The following EEIG2 variants were observed in gnomAD, a reference collection of about 807,000 sequenced individuals.
The protein encoded by EEIG2 is EEIG family member 2.
At chr1:108,613,662 C>T in the EEIG2 span, among the ~76,000 whole-genome samples, 150,281 of 152,174 alleles carry the variant, frequency 0.99, 74,240 homozygotes, top group East Asian at 1. Context: ...TCTCCTTTCC[C>T]AATCTCTGCC....
chr1:108,624,893 G>A, the EEIG2 span: 1 of 652,426 alleles, frequency 1.5e-6, no homozygotes, highest in African/African-American at 1.8e-5. Flanking sequence ...GGTTGATCCA[G>A]TGCTTTATTT....
the EEIG2 span, chr1:108,629,771 T>G: frequency 1.3e-6 from 1 of 752,918 alleles, no homozygotes; most frequent in South Asian, 1.5e-5. Flanking sequence ...GAAACACAGA[T>G]AGTAGTAGTT....
At chr1:108,604,886 A>G in the EEIG2 span, among the ~76,000 whole-genome samples, 4 of 150,364 alleles carry the variant, frequency 2.7e-5, no homozygotes, top group Admixed American at 6.7e-5. Context: ...AAAAAAGAGA[A>G]AAAAAAAATT....
At chr1:108,616,517 C>A in the EEIG2 span, 1 of 879,986 alleles carries the variant, frequency 1.1e-6, no homozygotes, top group Non-Finnish European at 1.8e-6. Context: ...TTTTGTAGTG[C>A]TTATAAGAAA....
chr1:108,560,522 A>T, the EEIG2 span: 21 of 1,612,656 alleles, frequency 1.3e-5, no homozygotes, highest in South Asian at 2.3e-4. Flanking sequence ...CTTCTGCAAG[A>T]TGCGGCTGCT....
the EEIG2 span, among the ~76,000 whole-genome samples, chr1:108,610,906 G>A: frequency 2.0e-5 from 3 of 151,970 alleles, no homozygotes; most frequent in African/African-American, 4.8e-5. Flanking sequence ...AGCCAAGATC[G>A]TGCCACTGCA....
the EEIG2 span, among the ~76,000 whole-genome samples, chr1:108,595,538 T>C: frequency 9.9e-6 from 1 of 100,830 alleles, no homozygotes; most frequent in Non-Finnish European, 1.9e-5. Context: ...AGGAAAAAAA[T>C]GTAGCTTTTA....
At chr1:108,632,135 A>AAAAAAAGG in the EEIG2 span, among the ~76,000 whole-genome samples, 4 of 67,644 alleles carry the variant, frequency 5.9e-5, no homozygotes, top group Admixed American at 2.3e-4. Context: ...AAAAAAAAAA[A>AAAAAAAGG]AGAAGAAGAA....
At chr1:108,626,074 C>G in the EEIG2 span, 11 of 152,218 alleles carry the variant, frequency 7.2e-5, no homozygotes, top group African/African-American at 2.7e-4. Context: ...GCTCCTACCT[C>G]TCTGATCTTT....
the EEIG2 span, among the ~76,000 whole-genome samples, chr1:108,565,213 C>G: frequency 6.6e-6 from 1 of 152,158 alleles, no homozygotes; most frequent in Non-Finnish European, 1.5e-5. Flanking sequence ...AGTCATGTAT[C>G]AGTTAACAAT....
At chr1:108,572,520 G>A in the EEIG2 span, among the ~76,000 whole-genome samples, 1 of 151,918 alleles carries the variant, frequency 6.6e-6, no homozygotes, top group East Asian at 1.9e-4. Flanking sequence ...CACCAATCTA[G>A]TATCATACAG....
the EEIG2 span, among the ~76,000 whole-genome samples, chr1:108,588,010 C>T: frequency 2.0e-5 from 3 of 152,070 alleles, no homozygotes; most frequent in Non-Finnish European, 4.4e-5. Flanking sequence ...CCTCCTGGTT[C>T]ATCTATGTTG....
the EEIG2 span, among the ~76,000 whole-genome samples, chr1:108,634,127 T>C: frequency 6.6e-6 from 1 of 152,326 alleles, no homozygotes; most frequent in Admixed American, 6.5e-5. Flanking sequence ...ATCTGGTTCC[T>C]GTTACTTCAT....
At chr1:108,607,185 C>T in the EEIG2 span, among the ~76,000 whole-genome samples, 2 of 152,300 alleles carry the variant, frequency 1.3e-5, no homozygotes, top group African/African-American at 2.4e-5. Context: ...TCCATTCTGC[C>T]ATTCTCTATG....
At chr1:108,579,762 T>TGAGAGAGAGAGAGA in the EEIG2 span, among the ~76,000 whole-genome samples, 2 of 22,908 alleles carry the variant, frequency 8.7e-5, no homozygotes, top group Non-Finnish European at 2.4e-4. Flanking sequence ...TGTGTGTGTG[T>TGAGAGAGAGAGAGA]GTGTGTGTGT....
the EEIG2 span, among the ~76,000 whole-genome samples, chr1:108,630,493 T>G: frequency 6.6e-6 from 1 of 152,136 alleles, no homozygotes; most frequent in Non-Finnish European, 1.5e-5. Flanking sequence ...AGTTAATGGG[T>G]GCAGCACACC....
the EEIG2 span, among the ~76,000 whole-genome samples, chr1:108,614,205 T>TAA: frequency 0.76 from 76,241 of 100,974 alleles, 30,020 homozygotes; most frequent in Non-Finnish European, 0.86. Context: ...ACCCCATCTC[T>TAA]AAAAAAAAAA....
chr1:108,621,541 G>T, the EEIG2 span, among the ~76,000 whole-genome samples: 1 of 152,172 alleles, frequency 6.6e-6, no homozygotes. Context: ...TGCTTAAAGA[G>T]TTGTGGCTGT....
At chr1:108,589,297 T>TA in the EEIG2 span, among the ~76,000 whole-genome samples, 1 of 152,142 alleles carries the variant, frequency 6.6e-6, no homozygotes, top group South Asian at 2.1e-4. Flanking sequence ...AGTCTCTTCT[T>TA]ACATGTTAAA....
Sources: allele counts gnomAD v4.1 joint callset (sites outside exome capture counted in the v4.1 genomes callset), GRCh38; gene constraint gnomAD v4.1.1; transcripts MANE v1.5; gene names NCBI Gene and HGNC (gene_info 2026-07-23, HGNC 2026-07-21).